BRD4: variants seen among roughly 807,000 people sequenced by gnomAD.
BRD4 encodes bromodomain containing 4, also known as bromodomain-containing protein 4.
In BRD4, 16 loss-of-function variants were observed where a neutral mutation model predicts 142.1. The observed-to-expected ratio is 0.11, with a 90% CI of 0.08 to 0.17. The LOEUF is 0.17. Among genes scored for constraint, BRD4 ranks in the 10% least tolerant of loss-of-function variants. The pLI, the probability that BRD4 is intolerant of heterozygous loss-of-function variation, is 1.00. For missense variants in BRD4, 1,424 were observed against 1,810.9 expected, an observed-to-expected ratio of 0.79 and a Z score of 3.88; for synonymous variants, 833 against 707.5, an observed-to-expected ratio of 1.18 and a Z score of -2.82.
chr19:15,277,794 A>ACAAAC (rs919182760), intron 1 of BRD4, among the ~76,000 whole-genome samples: 2 of 150,636 alleles, frequency 1.3e-5, no homozygotes, highest in Non-Finnish European at 3.0e-5. Context: ...CGTCTCCAAA[A>ACAAAC]CAAAACAAAA....
At position 15,238,967 on chromosome 19, in the gene BRD4, C is replaced by A; in HGVS notation, c.3796G>T (p.Glu1266Ter). 6.3e-7 allele frequency: 1 copy of A among 1,589,378 alleles called. No homozygotes were observed. The change falls in exon 19 of 20, where the codon GAG becomes TAG. Residue 1266 changes from glutamate (E) to a stop codon, truncating the protein, a stop_gained. Coordinates refer to ENST00000679869, the MANE Select transcript of BRD4 (RefSeq NM_001379291.1). LOFTEE classifies it high-confidence loss of function. This position sits in a 1 kb window ranked among gnomAD's most constrained non-coding sequence, Gnocchi z 7.2. ...CGCCGGGCCTGCTCCAGCGCATCCT[C>A]GTCCTCTCGGCTCCTGGGCAGAGGG... ...RQERMRSRED[E>*]DALEQARRAH...
intron 6 of BRD4, 101 bp from the exon 7 acceptor site, chr19:15,263,649 T>G: frequency 3.4e-6 from 5 of 1,482,212 alleles, no homozygotes; most frequent in Non-Finnish European, 4.6e-6. Flanking sequence ...GCAAGTTGGT[T>G]TCTTGGCTCT....
chr19:15,262,136 C>G (rs2047478155), intron 7 of BRD4, among the ~76,000 whole-genome samples: 1 of 152,114 alleles, frequency 6.6e-6, no homozygotes, highest in South Asian at 2.1e-4. Flanking sequence ...GCTGGGGAGT[C>G]TAGGACAACA....
At chr19:15,293,328 G>A (rs1462772213) in intron 1 of BRD4, among the ~76,000 whole-genome samples, 1 of 152,130 alleles carries the variant, frequency 6.6e-6, no homozygotes. Context: ...ACCCAGCAGG[G>A]TGGCACCGGG....
chr19:15,326,685 C>G (rs922924439), intron 1 of BRD4, among the ~76,000 whole-genome samples: 4 of 152,132 alleles, frequency 2.6e-5, no homozygotes, highest in Non-Finnish European at 5.9e-5. Context: ...CTTACAATCT[C>G]CTTTTCAAAT....
chr19:15,284,171 T>C (rs1264510748), intron 1 of BRD4, among the ~76,000 whole-genome samples: 1 of 152,172 alleles, frequency 6.6e-6, no homozygotes, highest in African/African-American at 2.4e-5. Flanking sequence ...CACCTGTCAG[T>C]ATCTAGACAC....
chr19:15,238,715 A>T lies in BRD4; in HGVS notation c.4020+28T>A, dbSNP rs1219983412. On this transcript the variant is annotated intron_variant, in intron 19 of 19. Coordinates refer to ENST00000679869, the MANE Select transcript of BRD4 (RefSeq NM_001379291.1). This position sits in a 1 kb window ranked among gnomAD's most constrained non-coding sequence, Gnocchi z 7.2. The stretch of plus-strand genomic sequence containing the variant: ...TCCCTCAGGAGCTAATCCTTAGACC[A>T]GGGTCCCCACCAGGCCTCCAGACTC... 2.0e-6 allele frequency: 3 copies of T among 1,484,814 alleles called. No individual in the cohort carries two copies. Among genetic ancestry groups the T allele is most frequent in the Non-Finnish European group, 2.7e-6 (3 of 1,116,716 alleles). 92.0% of individuals were successfully genotyped at this position (1,484,814 alleles called of 1,614,324 possible).
At chr19:15,291,783 T>C (rs1056039688) in intron 1 of BRD4, among the ~76,000 whole-genome samples, 1 of 152,212 alleles carries the variant, frequency 6.6e-6, no homozygotes, top group Admixed American at 6.5e-5. Context: ...CTTTGAGAAT[T>C]AATGTACATA....
chr19:15,264,254 G>A, intron 6 of BRD4, 150 bp downstream of exon 6: 1 of 1,057,446 alleles, frequency 9.5e-7, no homozygotes, highest in East Asian at 2.5e-5. Context: ...ACAGCAGGGG[G>A]CGCTGAGTTT....
At chr19:15,315,419 A>G (rs1246712539) in intron 1 of BRD4, among the ~76,000 whole-genome samples, 3 of 152,084 alleles carry the variant, frequency 2.0e-5, no homozygotes, top group Non-Finnish European at 4.4e-5. Context: ...TACATCCAGC[A>G]CACGCATTGG....
intron 9 of BRD4, 27 bp from the exon 10 acceptor site, chr19:15,255,619 C>A: frequency 6.4e-7 from 1 of 1,570,280 alleles, no homozygotes; most frequent in East Asian, 2.3e-5. Context: ...CAGACACCAT[C>A]AAGAACGGGC....
Position 15,238,844 on chromosome 19 carries a change from C to T in BRD4, c.3919G>A (p.Ala1307Thr), listed in dbSNP as rs748234502. The T allele has an allele frequency of 7.5e-6, 12 of 1,601,512 alleles. No homozygotes were observed. The East Asian group carries it at 9.0e-5, about 12-fold the overall frequency. The part of the protein sequence containing the change: ...QQQQAAAVAA[A>T]ATPQAQSSQP... ...GAGCTCTGGGCCTGTGGGGTGGCGG[C>T]GGCAGCCACCGCAGCTGCTTGCTGT... is the stretch of plus-strand genomic sequence containing the variant. Residue 1307 changes from alanine (A) to threonine (T), a missense_variant, in exon 19 of 20, where the codon GCC becomes ACC. Around this residue, in one of 16 missense-constraint regions of BRD4, gnomAD observed 109 missense variants for 117.9 expected, o/e 0.92. Coordinates refer to ENST00000679869, the MANE Select transcript of BRD4 (RefSeq NM_001379291.1). The surrounding 1 kb of genome is among the most constrained non-coding windows in gnomAD (Gnocchi z 7.2).
chr19:15,270,838 C>A (rs1180733401), intron 2 of BRD4, among the ~76,000 whole-genome samples: 1 of 152,192 alleles, frequency 6.6e-6, no homozygotes, highest in Non-Finnish European at 1.5e-5. Flanking sequence ...CCACCAAATG[C>A]CCTGAGACCA....
chr19:15,310,667 T>A (rs1173073267), intron 1 of BRD4, among the ~76,000 whole-genome samples: 1 of 151,586 alleles, frequency 6.6e-6, no homozygotes, highest in Admixed American at 6.6e-5. Context: ...CCAATTTTTA[T>A]AGTTTTTATT....
intron 11 of BRD4, chr19:15,253,560 G>A (rs1568382544): frequency 6.4e-7 from 1 of 1,561,902 alleles, no homozygotes; most frequent in Non-Finnish European, 8.6e-7. Flanking sequence ...GGCAGATTCA[G>A]GAGCAGCCAA....
At chr19:15,300,024 C>T (rs2047854502) in intron 1 of BRD4, among the ~76,000 whole-genome samples, 1 of 152,138 alleles carries the variant, frequency 6.6e-6, no homozygotes, top group South Asian at 2.1e-4. Context: ...GTGAGAGGAT[C>T]ACTTGAGCCC....
chr19:15,331,305 T>C (rs1476903547), intron 1 of BRD4, among the ~76,000 whole-genome samples: 1 of 152,132 alleles, frequency 6.6e-6, no homozygotes, highest in Non-Finnish European at 1.5e-5. Context: ...ACCCAAGCCT[T>C]GGGGGCATCT....
In BRD4 at chr19:15,268,995, C is replaced by T. The variant is rs2145613600; in HGVS notation, c.333G>A (p.Lys111=). 1 of 1,614,240 alleles carries T rather than the reference C, an allele frequency of 6.2e-7. No homozygotes were observed. Among genetic ancestry groups the T allele is most frequent in the Non-Finnish European group, 8.5e-7 (1 of 1,180,038 alleles). Residue 111 remains lysine, a synonymous_variant, in exon 3 of 20, where the codon AAG becomes AAA. Transcript: ENST00000679869. ...AGTAATAGTTGTTTTCCAAGCGCTT[C>T]TTTATTGTTCCCATATCCATAGGCG... The part of the protein sequence containing the change: ...IKTPMDMGTI[K]KRLENNYYWN...
intron 1 of BRD4, among the ~76,000 whole-genome samples, chr19:15,316,325 A>C (rs1173254078): frequency 1.3e-5 from 2 of 152,080 alleles, no homozygotes; most frequent in African/African-American, 4.8e-5. Flanking sequence ...ACTTGCTCTG[A>C]GTAGCAAAAG....
Sources: gnomAD v4.1 joint callset for allele counts (sites outside exome capture counted in the v4.1 genomes callset) on GRCh38, gnomAD v4.1.1 for gene constraint, gnomAD v4.1.1 regional missense constraint, Gnocchi (gnomAD v3.1) non-coding constraint, MANE v1.5 for transcripts, NCBI Gene and HGNC (gene_info 2026-07-23, HGNC 2026-07-21) for gene names.